The following INPP4B variants were observed in gnomAD, a reference collection of about 807,000 sequenced individuals.
INPP4B encodes the protein inositol polyphosphate 4-phosphatase type II.
Under a neutral mutation model 122.5 loss-of-function variants are expected in INPP4B, and 55 were observed. That is an observed-to-expected ratio of 0.45 (90% CI 0.36 to 0.56). INPP4B has a LOEUF of 0.56. INPP4B is among the 20% of genes least tolerant of loss of function. The pLI is 0.00. For synonymous variants in INPP4B, 403 were observed against 388.7 expected (o/e 1.04, Z -0.43); for missense variants, 1,000 against 1,097.7 (o/e 0.91, Z 1.26).
intron 2 of INPP4B, among the ~76,000 whole-genome samples, chr4:142,708,551 G>T (rs1016402214): frequency 4.6e-5 from 7 of 152,144 alleles, no homozygotes; most frequent in Non-Finnish European, 8.8e-5. Context: ...GGCTAAAAGG[G>T]CCCCAGATAC....
chr4:142,326,087 C>A (rs6844681), intron 7 of INPP4B, among the ~76,000 whole-genome samples: 75,180 of 151,954 alleles, frequency 0.49, 18,654 homozygotes, highest in Non-Finnish European at 0.52. Flanking sequence ...TTTTCTAAAA[C>A]ATAAGAGATT....
intron 14 of INPP4B, among the ~76,000 whole-genome samples, chr4:142,197,344 C>A (rs1838773246): frequency 6.6e-6 from 1 of 152,028 alleles, no homozygotes; most frequent in Non-Finnish European, 1.5e-5. Context: ...CCTCCCATTT[C>A]TTTGCCACTG....
intron 12 of INPP4B, among the ~76,000 whole-genome samples, chr4:142,229,517 T>G (rs1428234540): frequency 6.6e-6 from 1 of 152,058 alleles, no homozygotes; most frequent in Non-Finnish European, 1.5e-5. Context: ...CGGTGAATGG[T>G]GTATAAGAAA....
At chr4:142,091,272 G>C (rs1382714797) in intron 23 of INPP4B, among the ~76,000 whole-genome samples, 1 of 152,134 alleles carries the variant, frequency 6.6e-6, no homozygotes, top group African/African-American at 2.4e-5. Flanking sequence ...AAGATTCCAG[G>C]AAAGTGATTT....
intron 12 of INPP4B, among the ~76,000 whole-genome samples, chr4:142,215,771 T>C (rs1015529589): frequency 6.6e-6 from 1 of 151,368 alleles, no homozygotes; most frequent in Non-Finnish European, 1.5e-5. Flanking sequence ...TGGGCGCCTG[T>C]AGTCCCAGCT....
At chr4:142,811,466 T>G (rs11100760) in intron 1 of INPP4B, among the ~76,000 whole-genome samples, 77,374 of 152,050 alleles carry the variant, frequency 0.51, 23,659 homozygotes, top group African/African-American at 0.87. Context: ...GCACTTACTG[T>G]GGATATCAAT....
intron 3 of INPP4B, among the ~76,000 whole-genome samples, chr4:142,440,768 G>T (rs1811534885): frequency 6.6e-6 from 1 of 152,038 alleles, no homozygotes; most frequent in African/African-American, 2.4e-5. Flanking sequence ...TTTAAGATAT[G>T]CACATGACGT....
At chr4:142,709,468 G>T (rs758899743) in intron 2 of INPP4B, among the ~76,000 whole-genome samples, 14 of 152,146 alleles carry the variant, frequency 9.2e-5, no homozygotes, top group African/African-American at 3.4e-4. Context: ...TGGAAGAGGG[G>T]TCTGGTGGGA....
chr4:142,456,961 A>T (rs1403482134), intron 3 of INPP4B, among the ~76,000 whole-genome samples: 3 of 152,112 alleles, frequency 2.0e-5, no homozygotes, highest in African/African-American at 4.8e-5. Context: ...TTGGAAGAAG[A>T]ATAGTTACCG....
At chr4:142,575,152 T>C (rs1392110752) in intron 2 of INPP4B, among the ~76,000 whole-genome samples, 1 of 152,002 alleles carries the variant, frequency 6.6e-6, no homozygotes, top group Non-Finnish European at 1.5e-5. Flanking sequence ...ACCACGTTAT[T>C]TGGCTCTCAG....
chr4:142,227,783 A>C (rs1169087812), intron 12 of INPP4B, among the ~76,000 whole-genome samples: 1 of 145,952 alleles, frequency 6.9e-6, no homozygotes, highest in Non-Finnish European at 1.5e-5. Flanking sequence ...GCTTGAACCC[A>C]GGAGGCAGAG....
intron 2 of INPP4B, among the ~76,000 whole-genome samples, chr4:142,697,345 C>G (rs967034311): frequency 5.9e-5 from 9 of 152,034 alleles, no homozygotes; most frequent in African/African-American, 2.2e-4. Context: ...CTCTGAGTTG[C>G]CATTCATAAA....
intron 7 of INPP4B, among the ~76,000 whole-genome samples, chr4:142,386,982 G>A (rs1398478223): frequency 6.6e-6 from 1 of 152,110 alleles, no homozygotes; most frequent in Non-Finnish European, 1.5e-5. Flanking sequence ...TCGGATTTCA[G>A]AGCTCTACGG....
intron 9 of INPP4B, among the ~76,000 whole-genome samples, chr4:142,283,357 A>G (rs147334588): frequency 6.6e-6 from 1 of 152,238 alleles, no homozygotes; most frequent in East Asian, 1.9e-4. Context: ...TTAGTGTTCA[A>G]TTATCATTAG....
chr4:142,271,629 A>G (rs1356083337), intron 9 of INPP4B, among the ~76,000 whole-genome samples: 2 of 152,242 alleles, frequency 1.3e-5, no homozygotes, highest in African/African-American at 4.8e-5. Context: ...GAACATGTAA[A>G]GCAGAACATA....
chr4:142,148,989 A>G (rs336403), intron 17 of INPP4B, among the ~76,000 whole-genome samples: 151,307 of 152,352 alleles, frequency 0.99, 75,142 homozygotes, highest in South Asian at 1. Flanking sequence ...GACCCTAAGC[A>G]GACTCCTTCT....
chr4:142,210,262 T>C (rs1163606082), intron 12 of INPP4B, among the ~76,000 whole-genome samples: 2 of 152,230 alleles, frequency 1.3e-5, no homozygotes, highest in African/African-American at 2.4e-5. Flanking sequence ...AAAATGTGAC[T>C]TGCTTTCAAA....
chr4:142,539,384 A>G (rs977663859), intron 2 of INPP4B, among the ~76,000 whole-genome samples: 2 of 152,050 alleles, frequency 1.3e-5, no homozygotes, highest in East Asian at 3.9e-4. Flanking sequence ...AATTAGGTTA[A>G]TTCTAATAGC....
At chr4:142,397,614 C>T (rs1329962158) in intron 7 of INPP4B, among the ~76,000 whole-genome samples, 1 of 151,952 alleles carries the variant, frequency 6.6e-6, no homozygotes, top group Non-Finnish European at 1.5e-5. Context: ...CCGAAGCGGA[C>T]GGATCACGAG....
Sources: gnomAD v4.1 joint callset for allele counts (sites outside exome capture counted in the v4.1 genomes callset) on GRCh38, gnomAD v4.1.1 for gene constraint, MANE v1.5 for transcripts, NCBI Gene and HGNC (gene_info 2026-07-23, HGNC 2026-07-21) for gene names.